The following DGKG variants were observed in gnomAD, a reference collection of about 807,000 sequenced individuals.
DGKG encodes diacylglycerol kinase gamma.
DGKG carries 78 observed loss-of-function variants against 105.3 expected under a neutral mutation model. The ratio of observed to expected loss-of-function variants is 0.74; its 90% CI spans 0.62 to 0.89. DGKG has a LOEUF of 0.89. Among genes scored for constraint, DGKG ranks in the 40% least tolerant of loss-of-function variants. The pLI is 0.00. For missense variants in DGKG, 958 were observed against 1,020.1 expected, an observed-to-expected ratio of 0.94 and a Z score of 0.83; for synonymous variants, 346 against 367.1, an observed-to-expected ratio of 0.94 and a Z score of 0.66.
chr3:186,302,463 T>G (rs1210287660), intron 3 of DGKG, among the ~76,000 whole-genome samples: 1 of 4,846 alleles, frequency 2.1e-4, no homozygotes, highest in African/African-American at 7.8e-4. Context: ...AAATGTGCTA[T>G]ATATATATAT....
chr3:186,312,711 G>C (rs1724612179), intron 2 of DGKG, among the ~76,000 whole-genome samples: 1 of 152,206 alleles, frequency 6.6e-6, no homozygotes, highest in South Asian at 2.1e-4. Flanking sequence ...ATTACTCTAG[G>C]AAGTTATACA....
chr3:186,147,443 G>T lies in DGKG; in HGVS notation c.*2647C>A. The T allele has an allele frequency of 3.0e-6, 3 of 984,930 alleles. No individual in the cohort carries two copies. In the South Asian group the frequency reaches 1.4e-4, roughly 46 times the overall value. 61.0% of individuals were successfully genotyped at this position (984,930 alleles called of 1,614,324 possible). ...TGCTATGAGGGTCACTATGATGAGGGACTCCACCACAAGAAACCACAGTCA... is the reference window on the plus strand; with the variant it reads ...TGCTATGAGGGTCACTATGATGAGGTACTCCACCACAAGAAACCACAGTCA... On this transcript the variant is annotated 3_prime_UTR_variant, in exon 25 of 25. Transcript: ENST00000265022.
At chr3:186,280,069 T>C in intron 8 of DGKG, 96 bp from the exon 9 acceptor site, 1 of 1,510,862 alleles carries the variant, frequency 6.6e-7, no homozygotes, top group Non-Finnish European at 9.1e-7. Context: ...CATTATCTGG[T>C]TTGTGTTTTA....
In DGKG at chr3:186,148,087, T is replaced by C; in HGVS notation, c.*2003A>G. ...CAATGCAAGATTAGAGGCAGCTCAGTGGAACGATATCAAGTGGGTCCAAGT... is the reference window on the plus strand; with the variant it reads ...CAATGCAAGATTAGAGGCAGCTCAGCGGAACGATATCAAGTGGGTCCAAGT... On this transcript the variant is annotated 3_prime_UTR_variant, in exon 25 of 25. Transcript: ENST00000265022. The C allele has an allele frequency of 1.0e-6, 1 of 985,436 alleles. No individual in the cohort carries two copies. The highest frequency in any genetic ancestry group is 4.7e-5 in the South Asian group (1 of 21,290). The allele number at this position is 985,436 out of a possible 1,614,324, so 61.0% of individuals were successfully genotyped here.
At chr3:186,185,975 G>A (rs1178148581) in intron 22 of DGKG, among the ~76,000 whole-genome samples, 2 of 151,262 alleles carry the variant, frequency 1.3e-5, no homozygotes, top group Non-Finnish European at 2.9e-5. Flanking sequence ...GTGCACGCCT[G>A]TAATCCCAGC....
chr3:186,265,530 A>G (rs886370484), intron 13 of DGKG, among the ~76,000 whole-genome samples: 4 of 152,170 alleles, frequency 2.6e-5, no homozygotes, highest in African/African-American at 9.7e-5. Flanking sequence ...TCACGGGCTG[A>G]CTTTACCTTT....
At chr3:186,271,313 T>C (rs1030191290) in intron 11 of DGKG, among the ~76,000 whole-genome samples, 1 of 152,190 alleles carries the variant, frequency 6.6e-6, no homozygotes, top group Non-Finnish European at 1.5e-5. Context: ...CCCATCACCA[T>C]GTCCTGGTCC....
intron 20 of DGKG, among the ~76,000 whole-genome samples, chr3:186,235,793 G>A (rs943844891): frequency 2.0e-5 from 3 of 152,140 alleles, no homozygotes; most frequent in Non-Finnish European, 4.4e-5. Flanking sequence ...TACGTGGTGG[G>A]TGAGGGGAAA....
Position 186,149,820 on chromosome 3 carries a change from C to T in DGKG, c.*270G>A. 1 of 1,163,988 alleles carries T rather than the reference C, an allele frequency of 8.6e-7. No homozygotes were observed. Among genetic ancestry groups the T allele is most frequent in the East Asian group, 4.4e-5 (1 of 22,740 alleles). 72.1% of individuals were successfully genotyped at this position (1,163,988 alleles called of 1,614,324 possible). ...AAGGCCTGTGGGAATGTGGAGGTTG[C>T]TGCCTAAGCCAGCCACAACCTCATG... On this transcript the variant is annotated 3_prime_UTR_variant, in exon 25 of 25. Transcript: ENST00000265022.
At chr3:186,221,062 C>T (rs887936452) in intron 20 of DGKG, among the ~76,000 whole-genome samples, 1 of 152,220 alleles carries the variant, frequency 6.6e-6, no homozygotes, top group Non-Finnish European at 1.5e-5. Context: ...AGAAGGCTTC[C>T]CTGAGACTCA....
intron 11 of DGKG, among the ~76,000 whole-genome samples, chr3:186,271,716 C>A (rs1335302375): frequency 2.0e-5 from 3 of 152,208 alleles, no homozygotes; most frequent in Non-Finnish European, 2.9e-5. Flanking sequence ...TCTCCTGCCA[C>A]TTCCCTTTAA....
At chr3:186,358,261 C>T (rs1020856440) in intron 1 of DGKG, among the ~76,000 whole-genome samples, 7 of 152,258 alleles carry the variant, frequency 4.6e-5, no homozygotes, top group African/African-American at 1.7e-4. Context: ...CAAATAGTGA[C>T]TTCGCCATAG....
At chr3:186,335,217 G>A (rs143925370) in intron 1 of DGKG, among the ~76,000 whole-genome samples, 128 of 152,110 alleles carry the variant, frequency 8.4e-4, no homozygotes, top group African/African-American at 2.9e-3. Context: ...GACAACAGGC[G>A]CCTACTACTG....
chr3:186,239,358 G>A (rs1558910), intron 20 of DGKG, among the ~76,000 whole-genome samples: 109,146 of 152,144 alleles, frequency 0.72, 41,834 homozygotes, highest in East Asian at 0.94. Flanking sequence ...GAGTAAAATA[G>A]GCCTTGTTTG....
At chr3:186,233,929 G>A (rs1720287261) in intron 20 of DGKG, among the ~76,000 whole-genome samples, 1 of 152,224 alleles carries the variant, frequency 6.6e-6, no homozygotes, top group Non-Finnish European at 1.5e-5. Flanking sequence ...AGTGGTTAAT[G>A]AGAACTCCAG....
intron 2 of DGKG, among the ~76,000 whole-genome samples, chr3:186,309,245 A>T (rs1724401803): frequency 6.6e-6 from 1 of 151,984 alleles, no homozygotes; most frequent in Admixed American, 6.5e-5. Context: ...TTATAAAGGC[A>T]GATATGAAGT....
intron 20 of DGKG, among the ~76,000 whole-genome samples, chr3:186,237,434 A>G (rs1052842493): frequency 2.0e-5 from 3 of 152,104 alleles, no homozygotes; most frequent in African/African-American, 4.8e-5. Context: ...AAACAGGGAG[A>G]ATGCTCACAC....
chr3:186,269,043 A>T, intron 11 of DGKG, 126 bp from the exon 12 acceptor site: 1 of 660,742 alleles, frequency 1.5e-6, no homozygotes. Flanking sequence ...TATTTAGAGG[A>T]TGCTTATTGG....
intron 2 of DGKG, among the ~76,000 whole-genome samples, chr3:186,316,192 A>G (rs12485803): frequency 0.58 from 88,088 of 152,108 alleles, 26,170 homozygotes; most frequent in Middle Eastern, 0.67. Context: ...CATGCCCACC[A>G]TGTCTGCCCA....
Sources: allele counts gnomAD v4.1 joint callset (sites outside exome capture counted in the v4.1 genomes callset), GRCh38; gene constraint gnomAD v4.1.1; transcripts MANE v1.5; gene names NCBI Gene and HGNC (gene_info 2026-07-23, HGNC 2026-07-21).